The following TENT4A variants were observed in gnomAD, a reference collection of about 807,000 sequenced individuals.
The protein encoded by TENT4A is DNA polymerase kappa.
In TENT4A, 7 loss-of-function variants were observed where a neutral mutation model predicts 72.8. The ratio of observed to expected loss-of-function variants is 0.10; its 90% CI spans 0.05 to 0.18. The LOEUF (loss-of-function observed/expected upper bound fraction) is 0.18. Ranked by LOEUF, TENT4A falls within the 10% of genes least tolerant of loss-of-function variation. The pLI, the probability that TENT4A is intolerant of heterozygous loss-of-function variation, is 1.00. For synonymous variants in TENT4A, 456 were observed against 434.3 expected, an observed-to-expected ratio of 1.05 and a Z score of -0.62; for missense variants, 831 against 1,017.7, an observed-to-expected ratio of 0.82 and a Z score of 2.50.
In TENT4A at chr5:6,751,093, G is replaced by A. The variant is rs1199060431; in HGVS notation, c.1915G>A (p.Ala639Thr). ...CAGTGTTTACCAGTTCAGTCTGCAA[G>A]CGCCAGCTCCTCTCATGGCCGGCTT... Reference protein sequence around the residue: ...TPSVYQFSLQAPAPLMAGLPT... With the variant: ...TPSVYQFSLQTPAPLMAGLPT... Residue 639 changes from alanine to threonine, a missense_variant, in exon 11 of 13, where the codon GCG becomes ACG. Transcript: ENST00000230859. 1 of 1,614,082 alleles carries A rather than the reference G, an allele frequency of 6.2e-7. No homozygotes were observed. The highest frequency in any genetic ancestry group is 1.3e-5 in the African/African-American group (1 of 74,936).
chr5:6,743,792 T>C lies in TENT4A; in HGVS notation c.1197T>C (p.Gly399=), dbSNP rs1024979216. ...GGGACCTGAATGAAGTTTTTACAGG[T>C]GGAATTAGCTCATACAGCCTAATTT... ...LQRDLNEVFT[G]GISSYSLILM... is the part of the protein sequence containing the mutation. Residue 399 remains glycine (G), a synonymous_variant, in exon 6 of 13, where the codon GGT becomes GGC. Transcript: ENST00000230859. The C allele has an allele frequency of 6.2e-7, 1 of 1,613,906 alleles. No individual in the cohort carries two copies. The highest frequency in any genetic ancestry group is 8.5e-7 in the Non-Finnish European group (1 of 1,179,784).
intron 11 of TENT4A, 108 bp from the exon 12 acceptor site, chr5:6,752,765 G>A: frequency 1.1e-6 from 1 of 879,682 alleles, no homozygotes; most frequent in Non-Finnish European, 1.8e-6. Flanking sequence ...GAGCCCACAT[G>A]CAACTGTGCC....
chr5:6,736,063 A>G (rs138269377), intron 1 of TENT4A, among the ~76,000 whole-genome samples: 3,431 of 152,284 alleles, frequency 0.023, 48 homozygotes, highest in Middle Eastern at 0.037. Context: ...ATCTGGCCAC[A>G]TATTTTTTTA....
At chr5:6,747,658 T>C (rs1277921897) in intron 7 of TENT4A, among the ~76,000 whole-genome samples, 2 of 152,218 alleles carry the variant, frequency 1.3e-5, no homozygotes, top group Non-Finnish European at 2.9e-5. Context: ...ATTGGCATTG[T>C]CTTCAAGTGT....
chr5:6,753,473 G>A (rs557111592), intron 12 of TENT4A, among the ~76,000 whole-genome samples: 8 of 152,262 alleles, frequency 5.3e-5, no homozygotes, highest in African/African-American at 7.2e-5. Context: ...AGGAGCAAGC[G>A]TCAGGGCTGG....
rs555791147 is a variant in TENT4A at position 6,745,228 on chromosome 5, C to G, written c.1246-986C>G. Among the ~76,000 whole-genome samples the G allele has an allele frequency of 5.3e-5, 8 of 152,320 alleles. No individual in the cohort carries two copies. The South Asian group carries it at 1.2e-3, about 24-fold the overall frequency. On this transcript the variant is annotated intron_variant, in intron 6 of 12. Coordinates refer to ENST00000230859, the MANE Select transcript of TENT4A (RefSeq NM_006999.6). ...GTCAGGCCAGAATCGGAATCCTCCT[C>G]TTGTGTGGTGGAAATATGCAGAGAA...
chr5:6,725,095 G>A (rs550479386), intron 1 of TENT4A, among the ~76,000 whole-genome samples: 2 of 152,352 alleles, frequency 1.3e-5, no homozygotes, highest in African/African-American at 4.8e-5. Flanking sequence ...GCCAAGGAGG[G>A]CGGATCACAA....
chr5:6,751,312 T>G, intron 11 of TENT4A, 115 bp downstream of exon 11: 1 of 1,135,082 alleles, frequency 8.8e-7, no homozygotes, highest in Non-Finnish European at 1.3e-6. Flanking sequence ...ACTTTTTGAG[T>G]ATTTGGCCAT....
At chr5:6,726,323 G>T (rs1316637472) in intron 1 of TENT4A, among the ~76,000 whole-genome samples, 1 of 152,158 alleles carries the variant, frequency 6.6e-6, no homozygotes, top group Non-Finnish European at 1.5e-5. Context: ...ACGATTTGCA[G>T]CATATTCCAC....
At chr5:6,743,613 C>T (rs779421202) in intron 5 of TENT4A, 99 bp from the exon 6 acceptor site, 22 of 962,544 alleles carry the variant, frequency 2.3e-5, no homozygotes, top group Non-Finnish European at 3.0e-5. Flanking sequence ...GCAAGAGGAT[C>T]GAGGAAACTT....
At chr5:6,752,194 C>T (rs922510478) in intron 11 of TENT4A, among the ~76,000 whole-genome samples, 2 of 152,202 alleles carry the variant, frequency 1.3e-5, no homozygotes, top group African/African-American at 2.4e-5. Context: ...CCCTTGAGAG[C>T]CCAGTGCGGC....
Position 6,751,126 on chromosome 5 carries a change from G to A in TENT4A, c.1948G>A (p.Ala650Thr), listed in dbSNP as rs762856962. ...TCCTCTCATGGCCGGCTTACCCACC[G>A]CCTTGCCAATGCCCAGTGGCAAACC... ...PAPLMAGLPT[A>T]LPMPSGKPQP... Residue 650 changes from alanine (A) to threonine (T), a missense_variant, in exon 11 of 13, where the codon GCC (alanine) becomes ACC (threonine). Physicochemically the swap from Ala to Thr is moderately conservative, Grantham distance 58. Around this residue, in one of 3 missense-constraint regions of TENT4A, gnomAD observed 332 missense variants for 324.3 expected, o/e 1.02. Transcript: ENST00000230859. The A allele has an allele frequency of 5.4e-5, 87 of 1,614,036 alleles. No individual in the cohort carries two copies. The South Asian group carries it at 5.5e-4, about 10-fold the overall frequency.
At chr5:6,739,912 C>A in intron 4 of TENT4A, 60 bp downstream of exon 4, 1 of 1,558,008 alleles carries the variant, frequency 6.4e-7, no homozygotes, top group South Asian at 1.1e-5. Flanking sequence ...CCCAGGTGGT[C>A]ACAGGATACG....
Position 6,743,861 on chromosome 5 carries a change from CTG to C in TENT4A, c.1245+23_1245+24del, listed in dbSNP as rs1489187343. ...TACAGGTATGTATGCTTTCTTGAGA[CTG>C]TTTCTGTTGAGACATGTGTAAGAGT... On this transcript the variant is annotated intron_variant, in intron 6 of 12. Coordinates refer to ENST00000230859, the MANE Select transcript of TENT4A (RefSeq NM_006999.6). The C allele has an allele frequency of 1.9e-6, 3 of 1,611,278 alleles. No individual in the cohort carries two copies. The African/African-American group carries it at 4.0e-5, about 22-fold the overall frequency.
In TENT4A at chr5:6,751,173, A is replaced by G. The variant is rs773996727; in HGVS notation, c.1995A>G (p.Thr665=). The change falls in exon 11 of 13, where the codon ACA becomes ACG. Residue 665 remains threonine, a synonymous_variant. Transcript: ENST00000230859. ...SGKPQPTTSR[T]LIMTTNNQTR... ...AACCTCAGCCCACCACTTCCAGAAC[A>G]CTGATCATGACAACCAACAATCAGG... is the stretch of plus-strand genomic sequence containing the variant. The G allele has an allele frequency of 6.2e-6, 10 of 1,614,152 alleles. No homozygotes were observed. The highest frequency in any genetic ancestry group is 7.6e-6 in the Non-Finnish European group (9 of 1,180,032).
chr5:6,736,250 G>A (rs1388875895), intron 1 of TENT4A, among the ~76,000 whole-genome samples: 3 of 152,164 alleles, frequency 2.0e-5, no homozygotes, highest in Non-Finnish European at 2.9e-5. Flanking sequence ...CTCTTTTGGC[G>A]GGGTGGGAAG....
At chr5:6,728,446 C>T (rs558790344) in intron 1 of TENT4A, among the ~76,000 whole-genome samples, 13 of 152,316 alleles carry the variant, frequency 8.5e-5, no homozygotes, top group South Asian at 6.2e-4. Context: ...CTTGGGAGAA[C>T]GCCTTCCTCA....
Position 6,713,632 on chromosome 5 carries a change from G to A in TENT4A, c.-352G>A. 1 of 145,152 alleles carries A rather than the reference G, an allele frequency of 6.9e-6. No individual in the cohort carries two copies. Among genetic ancestry groups the A allele is most frequent in the South Asian group, 1.8e-4 (1 of 5,516 alleles). The allele number at this position is 145,152 out of a possible 1,614,324, so 9.0% of individuals were successfully genotyped here. A position where few individuals can be genotyped will look rare whatever the true frequency, so the allele number is the denominator to read the frequency against. On this transcript the variant is annotated 5_prime_UTR_variant, in exon 1 of 13. Transcript: ENST00000230859. The stretch of plus-strand genomic sequence containing the variant: ...CGCCCTTCTCCGATGGCCTCTCCCC[G>A]CGGCCCGAGTGGAACGCCGCCGCCG...
rs1396429936 is a variant in TENT4A, at chr5:6,755,691, T to C, written c.*746T>C. On this transcript the variant is annotated 3_prime_UTR_variant, in exon 13 of 13. Coordinates refer to ENST00000230859, the MANE Select transcript of TENT4A (RefSeq NM_006999.6). Reference sequence around the variant, plus strand: ...AGGAGCCAGGTCGCCCTGAAGGTTTTCCAAAGGGCTTGGCTCCAGAGCCAC... The same window carrying C: ...AGGAGCCAGGTCGCCCTGAAGGTTTCCCAAAGGGCTTGGCTCCAGAGCCAC... 6.6e-6 allele frequency: 1 copy of C among 152,348 alleles called. No homozygotes were observed. Among genetic ancestry groups the C allele is most frequent in the Non-Finnish European group, 1.5e-5 (1 of 68,052 alleles). 9.4% of individuals were successfully genotyped at this position (152,348 alleles called of 1,614,324 possible). A position where few individuals can be genotyped will look rare whatever the true frequency, so the allele number is the denominator to read the frequency against.
Sources: allele counts gnomAD v4.1 joint callset (sites outside exome capture counted in the v4.1 genomes callset), GRCh38; gene constraint gnomAD v4.1.1; regional missense constraint gnomAD v4.1.1; transcripts MANE v1.5; gene names NCBI Gene and HGNC (gene_info 2026-07-23, HGNC 2026-07-21).